Variants in NSD3 observed in about 807,000 individuals in gnomAD.
NSD3 encodes histone-lysine N-methyltransferase NSD3.
NSD3 carries 24 observed loss-of-function variants against 160.8 expected under a neutral mutation model. The ratio of observed to expected loss-of-function variants is 0.15; its 90% CI spans 0.11 to 0.21. The LOEUF is 0.21. NSD3 is among the 10% of genes least tolerant of loss of function. The pLI, the probability that NSD3 is intolerant of heterozygous loss-of-function variation, is 1.00. For synonymous variants in NSD3, 520 were observed against 600.0 expected (o/e 0.87, Z 1.95); for missense variants, 1,157 against 1,735.9 (o/e 0.67, Z 5.93).
chr8:38,364,368 T>C (rs1345226112), intron 1 of NSD3, among the ~76,000 whole-genome samples: 1 of 152,216 alleles, frequency 6.6e-6, no homozygotes, highest in Non-Finnish European at 1.5e-5. Context: ...ACAGGCATGA[T>C]GATGTGACCT....
At chr8:38,333,274 C>A (rs1309965601) in intron 4 of NSD3, among the ~76,000 whole-genome samples, 3 of 152,138 alleles carry the variant, frequency 2.0e-5, no homozygotes, top group Non-Finnish European at 4.4e-5. Flanking sequence ...CCCATTAAAT[C>A]ATTTACTAGA....
intron 1 of NSD3, among the ~76,000 whole-genome samples, chr8:38,355,443 C>T (rs990458497): frequency 6.6e-6 from 1 of 151,362 alleles, no homozygotes; most frequent in Non-Finnish European, 1.5e-5. Flanking sequence ...CCTAAAGGTA[C>T]TTTCAATCTC....
Position 38,316,706 on chromosome 8 carries a change from T to G in NSD3, c.1856-664A>C. On this transcript the variant is annotated intron_variant, in intron 9 of 23. Coordinates refer to ENST00000317025, the MANE Select transcript of NSD3 (RefSeq NM_023034.2). The surrounding 1 kb of genome is among the most constrained non-coding windows in gnomAD (Gnocchi z 4.5). ...AGGGCTGTAAATGGACAATCAGTGT[T>G]CAAGTGCAGCCAAATCACGTAGAGC... 9.5e-7 allele frequency: 1 copy of G among 1,056,314 alleles called. No homozygotes were observed. The allele number at this position is 1,056,314 out of a possible 1,614,324, so 65.4% of individuals were successfully genotyped here.
At chr8:38,371,211 T>C (rs749444279) in intron 1 of NSD3, among the ~76,000 whole-genome samples, 1 of 152,132 alleles carries the variant, frequency 6.6e-6, no homozygotes, top group Admixed American at 6.5e-5. Flanking sequence ...AAAATATTAA[T>C]AGTAGTTACT....
rs1188219571 is a variant in NSD3 at position 38,329,954 on chromosome 8, A to G, written c.1066-61T>C. On this transcript the variant is annotated intron_variant, in intron 5 of 23. Transcript: ENST00000317025. This position sits in a 1 kb window ranked among gnomAD's most constrained non-coding sequence, Gnocchi z 4.8. ...CTCTAATAGGTACATTAAAATTGAT[A>G]TGTATTTCCCATGTGATCCTGTTAT... 1 of 1,496,770 alleles carries G rather than the reference A, an allele frequency of 6.7e-7. No individual in the cohort carries two copies. 92.7% of individuals were successfully genotyped at this position (1,496,770 alleles called of 1,614,324 possible). A position where few individuals can be genotyped will look rare whatever the true frequency, so the allele number is the denominator to read the frequency against.
chr8:38,288,518 C>G lies in NSD3; in HGVS notation c.3470G>C (p.Trp1157Ser). The G allele has an allele frequency of 6.2e-7, 1 of 1,614,198 alleles. No homozygotes were observed. The highest frequency in any genetic ancestry group is 8.5e-7 in the Non-Finnish European group (1 of 1,180,030). The change falls in exon 19 of 24, where the codon TGG becomes TCG. Residue 1157 changes from tryptophan to serine, a missense_variant. Coordinates refer to ENST00000317025, the MANE Select transcript of NSD3 (RefSeq NM_023034.2). The surrounding 1 kb of genome is among the most constrained non-coding windows in gnomAD (Gnocchi z 4.5). ...AATGCTCCTTTTGGTCCTGAGGCCC[C>G]AGCCTCTCCGCTCCGTTTTGATGAT... ...AEIIKTERRGWGLRTKRSIKK... is the reference protein window; with the variant it reads ...AEIIKTERRGSGLRTKRSIKK...
chr8:38,307,658 C>T (rs1809441668), intron 12 of NSD3, among the ~76,000 whole-genome samples: 1 of 152,008 alleles, frequency 6.6e-6, no homozygotes, highest in African/African-American at 2.4e-5. Flanking sequence ...AAGAAGAGCT[C>T]CGACAGAACA....
intron 15 of NSD3, among the ~76,000 whole-genome samples, chr8:38,296,254 A>G (rs1196194199): frequency 6.6e-6 from 1 of 152,204 alleles, no homozygotes; most frequent in African/African-American, 2.4e-5. Context: ...CTCTTAACAT[A>G]TGACCAAATT....
At chr8:38,363,536 G>A (rs956232401) in intron 1 of NSD3, among the ~76,000 whole-genome samples, 81 of 151,526 alleles carry the variant, frequency 5.3e-4, no homozygotes, top group Admixed American at 5.3e-3. Context: ...CAGCTACTCT[G>A]GAGGCTGAGG....
chr8:38,304,757 C>A lies in NSD3; in HGVS notation c.2441G>T (p.Gly814Val). ...MEKDIHKASK[G>V]RMMRCLRCPV... The stretch of plus-strand genomic sequence containing the variant: ...ACATCTTAAACATCTCATCATGCGG[C>A]CTGTTTAAAGACAAGTCAAAAAGGA... The change falls in exon 14 of 24, where the codon GGC (glycine) becomes GTC (valine). Residue 814 changes from glycine to valine, a missense_variant and splice_region_variant. By Grantham distance (109) the Gly-to-Val change is moderately radical (BLOSUM62 -3). Transcript: ENST00000317025. 6.2e-7 allele frequency: 1 copy of A among 1,603,374 alleles called. No individual in the cohort carries two copies. The highest frequency in any genetic ancestry group is 8.5e-7 in the Non-Finnish European group (1 of 1,176,294).
In NSD3 at chr8:38,305,260, T is replaced by G; in HGVS notation, c.2428A>C (p.Lys810Gln). The G allele has an allele frequency of 6.2e-7, 1 of 1,613,928 alleles. No individual in the cohort carries two copies. The highest frequency in any genetic ancestry group is 1.1e-5 in the South Asian group (1 of 91,002). Reference sequence around the variant, plus strand: ...TCAGCTGTTTTACCTTTACTTGCTTTGTGGATATCTTTCTCCATAGAGCAG... The same window carrying G: ...TCAGCTGTTTTACCTTTACTTGCTTGGTGGATATCTTTCTCCATAGAGCAG... ...SACSMEKDIH[K>Q]ASKGRMMRCL... The change falls in exon 13 of 24, where the codon AAA becomes CAA. Residue 810 changes from lysine (K) to glutamine (Q), a missense_variant. By Grantham distance (53) the Lys-to-Gln change is moderately conservative (BLOSUM62 1). Transcript: ENST00000317025.
chr8:38,343,769 T>G (rs1034025569), intron 2 of NSD3, among the ~76,000 whole-genome samples: 7 of 152,114 alleles, frequency 4.6e-5, no homozygotes, highest in African/African-American at 1.7e-4. Flanking sequence ...ATAAAGAGTT[T>G]CTAAGAATTT....
rs145956557 is a variant in NSD3 at position 38,286,019 on chromosome 8, C to A, written c.3501+2468G>T. On this transcript the variant is annotated intron_variant, in intron 19 of 23. Transcript: ENST00000317025. ...GTGGCAGACAGACTCTCAAGGTGGCCCCGGTGATGCCTGCCTGCTGGTGTT... is the reference window on the plus strand; with the variant it reads ...GTGGCAGACAGACTCTCAAGGTGGCACCGGTGATGCCTGCCTGCTGGTGTT... Among the ~76,000 whole-genome samples the A allele has an allele frequency of 1.8e-4, 28 of 152,264 alleles. 1 individual carries two copies. The East Asian group carries it at 5.2e-3, about 28-fold the overall frequency.
At chr8:38,296,309 A>G (rs1809137238) in intron 15 of NSD3, among the ~76,000 whole-genome samples, 1 of 152,220 alleles carries the variant, frequency 6.6e-6, no homozygotes, top group African/African-American at 2.4e-5. Context: ...AGGTTTTTCA[A>G]ACATGTAAGT....
At chr8:38,356,598 G>A (rs535243255) in intron 1 of NSD3, among the ~76,000 whole-genome samples, 4 of 152,034 alleles carry the variant, frequency 2.6e-5, no homozygotes, top group African/African-American at 7.2e-5. Context: ...ATCATGTTAC[G>A]TGTTTCAGAT....
chr8:38,318,962 G>A lies in NSD3; in HGVS notation c.1810-22C>T. The A allele has an allele frequency of 1.3e-6, 2 of 1,590,184 alleles. No individual in the cohort carries two copies. Among genetic ancestry groups the A allele is most frequent in the Non-Finnish European group, 1.7e-6 (2 of 1,171,786 alleles). Reference sequence around the variant, plus strand: ...CAACCTGTTTGGACAGAAAAATACAGCATTAACAAAGAATTTTTTTCCCTT... The same window carrying A: ...CAACCTGTTTGGACAGAAAAATACAACATTAACAAAGAATTTTTTTCCCTT... On this transcript the variant is annotated intron_variant, in intron 8 of 23. Coordinates refer to ENST00000317025, the MANE Select transcript of NSD3 (RefSeq NM_023034.2). This position sits in a 1 kb window ranked among gnomAD's most constrained non-coding sequence, Gnocchi z 5.3.
At position 38,273,768 on chromosome 8, in the gene NSD3, C is replaced by T. The variant is rs1366171623; in HGVS notation, c.*1873G>A. 2.0e-5 allele frequency: 3 copies of T among 152,090 alleles called. No individual in the cohort carries two copies. The highest frequency in any genetic ancestry group is 7.2e-5 in the African/African-American group (3 of 41,418). 9.4% of individuals were successfully genotyped at this position (152,090 alleles called of 1,614,324 possible). A position where few individuals can be genotyped will look rare whatever the true frequency, so the allele number is the denominator to read the frequency against. On this transcript the variant is annotated 3_prime_UTR_variant, in exon 24 of 24. Coordinates refer to ENST00000317025, the MANE Select transcript of NSD3 (RefSeq NM_023034.2). Reference sequence around the variant, plus strand: ...AGCAATTATATTTGGTGACATGGATCGCATTTTCCATTTTGCTCTTTCTTT... The same window carrying T: ...AGCAATTATATTTGGTGACATGGATTGCATTTTCCATTTTGCTCTTTCTTT...
intron 15 of NSD3, among the ~76,000 whole-genome samples, chr8:38,297,765 C>T (rs1692181018): frequency 6.6e-6 from 1 of 150,998 alleles, no homozygotes; most frequent in African/African-American, 2.4e-5. Flanking sequence ...TGCCCAAGTG[C>T]TCTACACTTA....
chr8:38,368,315 T>C (rs1811157086), intron 1 of NSD3, among the ~76,000 whole-genome samples: 1 of 152,250 alleles, frequency 6.6e-6, no homozygotes, highest in Admixed American at 6.5e-5. Context: ...AACTTTAGCG[T>C]TGTCACCTCA....
Sources: allele counts gnomAD v4.1 joint callset (sites outside exome capture counted in the v4.1 genomes callset), GRCh38; gene constraint gnomAD v4.1.1; non-coding constraint Gnocchi (gnomAD v3.1); transcripts MANE v1.5; gene names NCBI Gene and HGNC (gene_info 2026-07-23, HGNC 2026-07-21).